Variants in AGL observed in about 807,000 individuals in gnomAD.
AGL encodes the protein amylo-alpha-1,6-glucosidase and 4-alpha-glucanotransferase, also known as glycogen debranching enzyme.
AGL carries 128 observed loss-of-function variants against 199.3 expected under a neutral mutation model. The observed-to-expected ratio is 0.64, with a 90% CI of 0.56 to 0.74. The LOEUF is 0.74. AGL is among the 30% of genes least tolerant of loss of function. The pLI, the probability that AGL is intolerant of heterozygous loss-of-function variation, is 0.00. For synonymous variants in AGL, 584 were observed against 594.7 expected (o/e 0.98, Z 0.26); for missense variants, 1,809 against 1,820.8 (o/e 0.99, Z 0.12).
In AGL at chr1:99,876,878, A is replaced by G. The variant is rs146430462; in HGVS notation, c.1423+281A>G. ...ATATTGTGGGTCTACATAAGCTTTT[A>G]TTTGGACAAAATATTATTGCATTTT... On this transcript the variant is annotated intron_variant, in intron 11 of 33. Coordinates refer to ENST00000361915, the MANE Select transcript of AGL (RefSeq NM_000642.3). 7.1e-4 allele frequency among the ~76,000 whole-genome samples: 108 copies of G among 152,276 alleles called. No individual in the cohort carries two copies. In the East Asian group the frequency reaches 0.012, roughly 17 times the overall value.
chr1:99,891,864 G>C (rs1652924784), intron 23 of AGL, 125 bp downstream of exon 23: 1 of 1,116,964 alleles, frequency 9.0e-7, no homozygotes, highest in Non-Finnish European at 1.3e-6. Flanking sequence ...AGGCTTGTAG[G>C]TGGATAGTAA....
chr1:99,907,132 ATGTT>A (rs1057272719), intron 27 of AGL, among the ~76,000 whole-genome samples: 1 of 152,020 alleles, frequency 6.6e-6, no homozygotes, highest in Non-Finnish European at 1.5e-5. Flanking sequence ...ATCTTTTTAT[ATGTT>A]TGTTTGCCAA....
intron 33 of AGL, 107 bp downstream of exon 33, chr1:99,916,838 C>A: frequency 8.1e-7 from 1 of 1,230,894 alleles, no homozygotes; most frequent in South Asian, 1.3e-5. Flanking sequence ...CCCTAGGTAT[C>A]CCAATGAAAA....
In AGL at chr1:99,916,679, A is replaced by G; in HGVS notation, c.4429A>G (p.Thr1477Ala). ...RLMGPETTAKTIVLVKNVLSR... is the reference protein window; with the variant it reads ...RLMGPETTAKAIVLVKNVLSR... ...GATGGGCCCGGAGACTACTGCAAAG[A>G]CTATAGTTTTGGTTAAAAATGTTCT... The change falls in exon 33 of 34, where the codon ACT becomes GCT. Residue 1477 changes from threonine (T) to alanine (A), a missense_variant. Coordinates refer to ENST00000361915, the MANE Select transcript of AGL (RefSeq NM_000642.3). 3 of 1,613,336 alleles carry G rather than the reference A, an allele frequency of 1.9e-6. No individual in the cohort carries two copies. The highest frequency in any genetic ancestry group is 2.5e-6 in the Non-Finnish European group (3 of 1,179,566).
At chr1:99,855,192 C>T (rs1649316309) in intron 2 of AGL, among the ~76,000 whole-genome samples, 1 of 151,498 alleles carries the variant, frequency 6.6e-6, no homozygotes, top group South Asian at 2.1e-4. Flanking sequence ...CAGAGCGAGA[C>T]TCCGACTCAA....
Position 99,889,658 on chromosome 1 carries a change from A to G in AGL, c.2812+1550A>G, listed in dbSNP as rs144787940. Among the ~76,000 whole-genome samples, 13 of 152,240 alleles carry G rather than the reference A, an allele frequency of 8.5e-5. No individual in the cohort carries two copies. In the East Asian group the frequency reaches 2.3e-3, roughly 27 times the overall value. On this transcript the variant is annotated intron_variant, in intron 21 of 33. Transcript: ENST00000361915. ...TCAGATTTGAGTAATTATCTACTTCATTTTCACTCTGAGTTGTTAAACTAC... is the reference window on the plus strand; with the variant it reads ...TCAGATTTGAGTAATTATCTACTTCGTTTTCACTCTGAGTTGTTAAACTAC...
chr1:99,869,514 T>G (rs1650809983), intron 5 of AGL, among the ~76,000 whole-genome samples: 1 of 152,216 alleles, frequency 6.6e-6, no homozygotes. Context: ...TTGGCCAAGT[T>G]AATTCCTGAC....
Position 99,876,464 on chromosome 1 carries a change from T to G in AGL, c.1290T>G (p.Phe430Leu). 1.9e-6 allele frequency: 3 copies of G among 1,592,442 alleles called. No individual in the cohort carries two copies. The South Asian group carries it at 3.3e-5, about 18-fold the overall frequency. ...TRKHPLVTRY[F>L]TFPFEEIDFS... ...TTTAATTATATTTTCATAGGTATTT[T>G]ACTTTCCCATTTGAAGAGATAGACT... Residue 430 changes from phenylalanine to leucine, a missense_variant, in exon 11 of 34, where the codon TTT (phenylalanine) becomes TTG (leucine). Transcript: ENST00000361915.
chr1:99,892,432 C>T lies in AGL; in HGVS notation c.3084C>T (p.Ser1028=). The T allele has an allele frequency of 6.2e-7, 1 of 1,613,192 alleles. No homozygotes were observed. The highest frequency in any genetic ancestry group is 8.5e-7 in the Non-Finnish European group (1 of 1,179,382). The change falls in exon 24 of 34, where the codon AGC becomes AGT. Residue 1028 remains serine (S), a splice_region_variant and synonymous_variant. Transcript: ENST00000361915. ...ATAAATTCAATCACTTTTGTTACAGCTTTGTTCAGAATGGTTCAACCTTTG... is the reference window on the plus strand; with the variant it reads ...ATAAATTCAATCACTTTTGTTACAGTTTTGTTCAGAATGGTTCAACCTTTG... ...LLDTAWKQMS[S]FVQNGSTFVK...
chr1:99,888,013 A>G lies in AGL; in HGVS notation c.2717A>G (p.Gln906Arg). The G allele has an allele frequency of 1.9e-6, 3 of 1,613,568 alleles. No homozygotes were observed. The highest frequency in any genetic ancestry group is 2.5e-6 in the Non-Finnish European group (3 of 1,179,648). The change falls in exon 21 of 34, where the codon CAG (glutamine) becomes CGG (arginine). Residue 906 changes from glutamine to arginine, a missense_variant. Physicochemically the swap from Gln to Arg is conservative, Grantham distance 43. Transcript: ENST00000361915. ...ASRLTLAELN[Q>R]ILYRCESEEK... ...AGATTAACTTTGGCTGAGCTAAATC[A>G]GATCCTTTACCGATGTGAATCAGAA... is the stretch of plus-strand genomic sequence containing the variant.
Position 99,877,706 on chromosome 1 carries a change from A to C in AGL, c.1489A>C (p.Asn497His). 6.2e-7 allele frequency: 1 copy of C among 1,614,062 alleles called. No individual in the cohort carries two copies. Among genetic ancestry groups the C allele is most frequent in the Non-Finnish European group, 8.5e-7 (1 of 1,179,964 alleles). The change falls in exon 12 of 34, where the codon AAT (asparagine) becomes CAT (histidine). Residue 497 changes from asparagine (N) to histidine (H), a missense_variant. Physicochemically the swap from Asn to His is moderately conservative, Grantham distance 68 (BLOSUM62 1). Transcript: ENST00000361915. ...AGACAGTGTTAAATTACGCTATGGG[A>C]ATAAACCAGAGGACTGTCCTTATCT... ...WGDSVKLRYG[N>H]KPEDCPYLWA...
intron 20 of AGL, 147 bp downstream of exon 20, chr1:99,884,850 C>T: frequency 2.1e-6 from 2 of 950,994 alleles, no homozygotes; most frequent in Non-Finnish European, 1.6e-6. Context: ...CTGTTGTTAA[C>T]ATTTTACCCT....
intron 5 of AGL, among the ~76,000 whole-genome samples, chr1:99,865,940 A>G (rs1282461411): frequency 6.6e-6 from 1 of 152,166 alleles, no homozygotes; most frequent in Non-Finnish European, 1.5e-5. Flanking sequence ...AAACTTCATA[A>G]TACCTAAGAA....
intron 17 of AGL, among the ~76,000 whole-genome samples, chr1:99,883,707 A>G (rs1403600753): frequency 1.3e-5 from 2 of 152,178 alleles, no homozygotes; most frequent in East Asian, 1.9e-4. Context: ...GTTACCTCTG[A>G]AAGTGAAGAA....
intron 4 of AGL, among the ~76,000 whole-genome samples, chr1:99,862,697 A>G (rs1046817870): frequency 4.6e-5 from 7 of 152,142 alleles, no homozygotes; most frequent in Admixed American, 3.3e-4. Context: ...GAGGAAGAGA[A>G]CAAAGTGGGA....
chr1:99,868,611 CA>C (rs916259485), intron 5 of AGL, among the ~76,000 whole-genome samples: 1 of 151,470 alleles, frequency 6.6e-6, no homozygotes, highest in Non-Finnish European at 1.5e-5. Context: ...GACTCTGTCT[CA>C]AAAAAAGGGA....
intron 20 of AGL, among the ~76,000 whole-genome samples, chr1:99,886,128 A>G (rs375313992): frequency 7.2e-5 from 11 of 152,322 alleles, no homozygotes; most frequent in Admixed American, 2.0e-4. Flanking sequence ...GGCATGGAGT[A>G]TAGAACCAGA....
rs1651950655 is a variant in AGL at position 99,880,779 on chromosome 1, A to G, written c.1883A>G (p.Asn628Ser). Residue 628 changes from asparagine to serine, a missense_variant, in exon 14 of 34, where the codon AAT becomes AGT. Asn to Ser is a conservative substitution (Grantham distance 46). Transcript: ENST00000361915. ...HALFMDITHDNECPIVHRSAY... is the reference protein window; with the variant it reads ...HALFMDITHDSECPIVHRSAY... Reference sequence around the variant, plus strand: ...CTGTTTATGGATATTACGCATGATAATGAGTGTCCTATTGTGGTAAGCACC... The same window carrying G: ...CTGTTTATGGATATTACGCATGATAGTGAGTGTCCTATTGTGGTAAGCACC... The G allele has an allele frequency of 6.2e-7, 1 of 1,613,956 alleles. No individual in the cohort carries two copies. The highest frequency in any genetic ancestry group is 2.2e-5 in the East Asian group (1 of 44,848).
intron 2 of AGL, 118 bp downstream of exon 2, chr1:99,851,242 T>A (rs1557737639): frequency 2.2e-6 from 2 of 924,044 alleles, no homozygotes; most frequent in East Asian, 2.5e-5. Context: ...GGTCTAAAAC[T>A]TGATTTGTGC....
Sources: gnomAD v4.1 joint callset for allele counts (sites outside exome capture counted in the v4.1 genomes callset) on GRCh38, gnomAD v4.1.1 for gene constraint, MANE v1.5 for transcripts, NCBI Gene and HGNC (gene_info 2026-07-23, HGNC 2026-07-21) for gene names.